The following STAG1 variants were observed in gnomAD, a reference collection of about 807,000 sequenced individuals.
The protein encoded by STAG1 is STAG1 cohesin complex component.
STAG1 carries 26 observed loss-of-function variants against 170.9 expected under a neutral mutation model. The observed-to-expected ratio is 0.15, with a 90% CI of 0.11 to 0.21. The LOEUF (loss-of-function observed/expected upper bound fraction) is 0.21. STAG1 is among the 10% of genes least tolerant of loss of function. The probability of loss-of-function intolerance (pLI) is 1.00; values close to 1 mark genes in which losing one functional copy is unlikely to be tolerated. For missense variants in STAG1, 964 were observed against 1,509.5 expected (o/e 0.64, Z 5.99); for synonymous variants, 514 against 497.7 (o/e 1.03, Z -0.44).
chr3:136,659,129 A>T (rs1016564388), intron 1 of STAG1, among the ~76,000 whole-genome samples: 3 of 152,204 alleles, frequency 2.0e-5, no homozygotes, highest in Non-Finnish European at 4.4e-5. Flanking sequence ...TACTTCAGAG[A>T]ATAGAGCACA....
chr3:136,672,456 T>C (rs149211958), intron 1 of STAG1, among the ~76,000 whole-genome samples: 5 of 152,208 alleles, frequency 3.3e-5, no homozygotes, highest in East Asian at 1.9e-4. Flanking sequence ...TCCAGATATA[T>C]TGTATTCCTA....
In STAG1 at chr3:136,672,386, T is replaced by C. The variant is rs569636935; in HGVS notation, c.-83-41405A>G. Reference sequence around the variant, plus strand: ...AAAATACATAGTGAGAAATATAACTTCTACAACCCTTGACCCCAAAGGCAA... The same window carrying C: ...AAAATACATAGTGAGAAATATAACTCCTACAACCCTTGACCCCAAAGGCAA... On this transcript the variant is annotated intron_variant, in intron 1 of 33. Transcript: ENST00000383202. Among the ~76,000 whole-genome samples the C allele has an allele frequency of 2.7e-4, 41 of 152,338 alleles. No individual in the cohort carries two copies. The South Asian group carries it at 5.8e-3, about 22-fold the overall frequency.
At chr3:136,612,259 A>AAC (rs923254375) in intron 3 of STAG1, among the ~76,000 whole-genome samples, 6 of 152,148 alleles carry the variant, frequency 3.9e-5, no homozygotes, top group Non-Finnish European at 8.8e-5. Flanking sequence ...ACTGGAGTCT[A>AAC]ACAACATGTA....
At chr3:136,375,211 T>C (rs191906196) in intron 23 of STAG1, among the ~76,000 whole-genome samples, 6 of 152,344 alleles carry the variant, frequency 3.9e-5, no homozygotes, top group Admixed American at 3.9e-4. Flanking sequence ...TAAAAACCAG[T>C]ATCTAATAAA....
intron 2 of STAG1, among the ~76,000 whole-genome samples, chr3:136,630,594 C>A (rs941915203): frequency 2.0e-5 from 3 of 152,122 alleles, no homozygotes; most frequent in Non-Finnish European, 4.4e-5. Flanking sequence ...GACAACATGC[C>A]ATATTTGGCC....
intron 2 of STAG1, among the ~76,000 whole-genome samples, chr3:136,626,960 G>C (rs1418331282): frequency 1.3e-5 from 2 of 152,126 alleles, no homozygotes; most frequent in Non-Finnish European, 2.9e-5. Flanking sequence ...TATTTATCTT[G>C]TGTGGACAAA....
chr3:136,514,358 T>C (rs952960975), intron 7 of STAG1, among the ~76,000 whole-genome samples: 1 of 152,106 alleles, frequency 6.6e-6, no homozygotes, highest in Non-Finnish European at 1.5e-5. Context: ...AAAACCACAG[T>C]AAGATACCAT....
intron 7 of STAG1, among the ~76,000 whole-genome samples, chr3:136,509,396 A>C (rs1355802861): frequency 6.6e-6 from 1 of 151,972 alleles, no homozygotes; most frequent in Non-Finnish European, 1.5e-5. Flanking sequence ...CTTGGAAAAA[A>C]AAAAAAAAAA....
intron 1 of STAG1, among the ~76,000 whole-genome samples, chr3:136,688,101 T>C (rs1019774168): frequency 2.6e-5 from 4 of 152,214 alleles, no homozygotes; most frequent in Admixed American, 6.5e-5. Flanking sequence ...TACAGATGTC[T>C]GTTTTGATTC....
At chr3:136,430,150 C>A (rs1219289408) in intron 16 of STAG1, 2 of 152,094 alleles carry the variant, frequency 1.3e-5, no homozygotes, top group Non-Finnish European at 2.9e-5. Context: ...CTATATTGAT[C>A]CAAATTCAGT....
chr3:136,375,726 T>G lies in STAG1; in HGVS notation c.2370+1934A>C, dbSNP rs185849282. 1.5e-3 allele frequency among the ~76,000 whole-genome samples: 234 copies of G among 151,552 alleles called. 1 individual carries two copies. In the Middle Eastern group the frequency reaches 0.017, roughly 11 times the overall value. On this transcript the variant is annotated intron_variant, in intron 23 of 33. Coordinates refer to ENST00000383202, the MANE Select transcript of STAG1 (RefSeq NM_005862.3). ...TGGCTCACACCTGTAATCCCAGTACTTTGGGAGGCTGAGGCAGGCAGATCA... is the reference window on the plus strand; with the variant it reads ...TGGCTCACACCTGTAATCCCAGTACGTTGGGAGGCTGAGGCAGGCAGATCA...
At chr3:136,549,004 C>G (rs1936273783) in intron 5 of STAG1, among the ~76,000 whole-genome samples, 1 of 152,162 alleles carries the variant, frequency 6.6e-6, no homozygotes, top group Non-Finnish European at 1.5e-5. Context: ...TTCCTGAGGC[C>G]TTCCTAGCCA....
chr3:136,707,441 C>G (rs1262797370), intron 1 of STAG1, among the ~76,000 whole-genome samples: 2 of 152,136 alleles, frequency 1.3e-5, no homozygotes, highest in African/African-American at 4.8e-5. Context: ...AAAAAATGTT[C>G]AACTTCATCG....
intron 1 of STAG1, among the ~76,000 whole-genome samples, chr3:136,673,855 C>A (rs1380084091): frequency 6.6e-6 from 1 of 151,992 alleles, no homozygotes; most frequent in Admixed American, 6.6e-5. Context: ...GTAATCCCAG[C>A]ACTTTGGGAG....
At position 136,459,207 on chromosome 3, in the gene STAG1, ACT is replaced by A. The variant is rs564032755; in HGVS notation, c.1313+5672_1313+5673del. Reference sequence around the variant, plus strand: ...CACTCCAGCCTGGCGACAGAGCGAGACTCTGTCTTAAAGAAAAAAAAAAAAAA... The same window carrying A: ...CACTCCAGCCTGGCGACAGAGCGAGACTGTCTTAAAGAAAAAAAAAAAAAA... On this transcript the variant is annotated intron_variant, in intron 13 of 33. Transcript: ENST00000383202. Among the ~76,000 whole-genome samples, 57 of 149,696 alleles carry A rather than the reference ACT, an allele frequency of 3.8e-4. No individual in the cohort carries two copies. The South Asian group carries it at 8.1e-3, about 21-fold the overall frequency.
intron 1 of STAG1, among the ~76,000 whole-genome samples, chr3:136,680,482 T>C (rs545135079): frequency 3.4e-4 from 51 of 151,944 alleles, no homozygotes; most frequent in African/African-American, 1.1e-3. Context: ...TAAAATGGAG[T>C]AATACGTAAT....
At chr3:136,716,331 C>T (rs545144447) in intron 1 of STAG1, among the ~76,000 whole-genome samples, 80 of 151,848 alleles carry the variant, frequency 5.3e-4, no homozygotes, top group African/African-American at 1.8e-3. Flanking sequence ...GGCATGGTGG[C>T]GGGTGCCTGC....
chr3:136,577,545 A>G (rs1282426306), intron 4 of STAG1, among the ~76,000 whole-genome samples: 1 of 152,168 alleles, frequency 6.6e-6, no homozygotes, highest in Non-Finnish European at 1.5e-5. Context: ...TTGCTTTCCA[A>G]GGTTTGAGAA....
At chr3:136,556,508 A>G (rs1936622204) in intron 5 of STAG1, among the ~76,000 whole-genome samples, 1 of 152,160 alleles carries the variant, frequency 6.6e-6, no homozygotes, top group South Asian at 2.1e-4. Context: ...GCTAACATAC[A>G]TACAGATTCA....
Sources: allele counts gnomAD v4.1 joint callset (sites outside exome capture counted in the v4.1 genomes callset), GRCh38; gene constraint gnomAD v4.1.1; transcripts MANE v1.5; gene names NCBI Gene and HGNC (gene_info 2026-07-23, HGNC 2026-07-21).